Variants in SFSWAP observed in about 807,000 individuals in gnomAD.
SFSWAP encodes splicing factor, suppressor of white-apricot homolog.
SFSWAP carries 17 observed loss-of-function variants against 100.7 expected under a neutral mutation model. The ratio of observed to expected loss-of-function variants is 0.17; its 90% CI spans 0.12 to 0.25. SFSWAP has a LOEUF of 0.25. Among genes scored for constraint, SFSWAP ranks in the 10% least tolerant of loss-of-function variants. The pLI is 1.00. For missense variants in SFSWAP, 1,005 were observed against 1,262.6 expected (o/e 0.80, Z 3.09); for synonymous variants, 504 against 510.1 (o/e 0.99, Z 0.16).
chr12:131,791,049 G>T (rs1176999760), intron 15 of SFSWAP, among the ~76,000 whole-genome samples: 1 of 152,188 alleles, frequency 6.6e-6, no homozygotes. Flanking sequence ...TACATTAAAT[G>T]TAAGAAGACT....
intron 13 of SFSWAP, among the ~76,000 whole-genome samples, chr12:131,767,335 T>C (rs1883196885): frequency 6.6e-6 from 1 of 152,264 alleles, no homozygotes; most frequent in Non-Finnish European, 1.5e-5. Flanking sequence ...AGTTTAATTT[T>C]AGATTCTTTA....
intron 13 of SFSWAP, 99 bp from the exon 14 acceptor site, chr12:131,777,966 G>A (rs775428698): frequency 1.7e-5 from 26 of 1,515,116 alleles, no homozygotes; most frequent in Non-Finnish European, 2.3e-5. Flanking sequence ...TGGTTGCTGT[G>A]TTTGTTGGTG....
chr12:131,716,427 C>G (rs1385194943), intron 3 of SFSWAP, among the ~76,000 whole-genome samples: 1 of 152,240 alleles, frequency 6.6e-6, no homozygotes, highest in African/African-American at 2.4e-5. Flanking sequence ...AATAAGCTCT[C>G]CTTCCTCGGG....
At chr12:131,771,062 C>G (rs772356999) in intron 13 of SFSWAP, among the ~76,000 whole-genome samples, 2 of 152,164 alleles carry the variant, frequency 1.3e-5, no homozygotes, top group Non-Finnish European at 2.9e-5. Context: ...TGCATCTACC[C>G]CGTTTGTTTC....
At chr12:131,798,915 G>C in intron 16 of SFSWAP, 122 bp from the exon 17 acceptor site, 2 of 692,242 alleles carry the variant, frequency 2.9e-6, no homozygotes, top group East Asian at 2.6e-5. Flanking sequence ...GATACTGGAA[G>C]CAGATGCAGT....
chr12:131,785,030 C>T, intron 14 of SFSWAP: 1 of 1,495,696 alleles, frequency 6.7e-7, no homozygotes, highest in Non-Finnish European at 8.9e-7. Context: ...CCCAGCCCAG[C>T]ACCTTTTATT....
At position 131,786,412 on chromosome 12, in the gene SFSWAP, C is replaced by T. The variant is rs376817051; in HGVS notation, c.2409-51C>T. The T allele has an allele frequency of 4.9e-5, 76 of 1,539,876 alleles. No individual in the cohort carries two copies. In the South Asian group the frequency reaches 8.2e-4, roughly 17 times the overall value. On this transcript the variant is annotated intron_variant, in intron 14 of 17. Coordinates refer to ENST00000261674, the MANE Select transcript of SFSWAP (RefSeq NM_004592.4). ...TGCCAGGGCAGTAGGAAGCATGACA[C>T]GTCCCGCCAGCCAGGCCACAGAGCT...
At chr12:131,792,538 G>C (rs548172619) in intron 15 of SFSWAP, among the ~76,000 whole-genome samples, 12 of 150,222 alleles carry the variant, frequency 8.0e-5, no homozygotes, top group African/African-American at 2.7e-4. Flanking sequence ...GATCAGTACT[G>C]TGTGTGCGCC....
At chr12:131,757,562 G>A (rs1321231584) in intron 11 of SFSWAP, 2 of 152,952 alleles carry the variant, frequency 1.3e-5, no homozygotes, top group Non-Finnish European at 2.9e-5. Flanking sequence ...TGTGGCAGTG[G>A]GGTGAGGTGT....
At position 131,713,982 on chromosome 12, in the gene SFSWAP, G is replaced by GTA. The variant is rs530265452; in HGVS notation, c.219-78_219-77dup. On this transcript the variant is annotated intron_variant, in intron 1 of 17. Coordinates refer to ENST00000261674, the MANE Select transcript of SFSWAP (RefSeq NM_004592.4). ...TATTTTAATCGGTAAGTATGTGTGTGTATATATATATACATATATAAAACA... is the reference window on the plus strand; with the variant it reads ...TATTTTAATCGGTAAGTATGTGTGTGTATATATATATATACATATATAAAACA... 5.7e-4 allele frequency: 447 copies of GTA among 790,766 alleles called. 4 individuals carry two copies. Among genetic ancestry groups the GTA allele is most frequent in the South Asian group, 4.3e-3 (187 of 43,896 alleles). 49.0% of individuals were successfully genotyped at this position (790,766 alleles called of 1,614,324 possible). A position where few individuals can be genotyped will look rare whatever the true frequency, so the allele number is the denominator to read the frequency against.
At chr12:131,737,255 A>G (rs879178823) in intron 7 of SFSWAP, among the ~76,000 whole-genome samples, 33 of 152,310 alleles carry the variant, frequency 2.2e-4, no homozygotes, top group African/African-American at 6.7e-4. Flanking sequence ...TGTTCACGTC[A>G]GAAGGGGAGG....
intron 11 of SFSWAP, among the ~76,000 whole-genome samples, chr12:131,759,679 T>C (rs1308852850): frequency 2.0e-5 from 3 of 151,796 alleles, no homozygotes; most frequent in Admixed American, 1.3e-4. Context: ...CGGGCGCCTG[T>C]AGTCCCAGCT....
At chr12:131,722,504 A>T (rs1004048456) in intron 4 of SFSWAP, among the ~76,000 whole-genome samples, 4 of 152,162 alleles carry the variant, frequency 2.6e-5, no homozygotes, top group Non-Finnish European at 4.4e-5. Flanking sequence ...CATTTTATGG[A>T]AAGTGGGGAA....
chr12:131,715,523 T>A (rs1877815811), intron 3 of SFSWAP, among the ~76,000 whole-genome samples: 1 of 152,250 alleles, frequency 6.6e-6, no homozygotes, highest in South Asian at 2.1e-4. Context: ...AAACTTTGAA[T>A]ATAAAAAATA....
intron 14 of SFSWAP, among the ~76,000 whole-genome samples, chr12:131,780,700 A>C (rs1884428884): frequency 6.6e-6 from 1 of 152,166 alleles, no homozygotes; most frequent in African/African-American, 2.4e-5. Context: ...AAAATTTCCC[A>C]CTTGAATATG....
At chr12:131,782,518 T>C (rs551173244) in intron 14 of SFSWAP, among the ~76,000 whole-genome samples, 3 of 152,256 alleles carry the variant, frequency 2.0e-5, no homozygotes, top group African/African-American at 7.2e-5. Flanking sequence ...CACTTGGGCC[T>C]GAACAGACCT....
intron 7 of SFSWAP, among the ~76,000 whole-genome samples, chr12:131,747,987 C>A (rs908516168): frequency 6.6e-6 from 1 of 152,160 alleles, no homozygotes; most frequent in Non-Finnish European, 1.5e-5. Flanking sequence ...ATGGCCGCTG[C>A]CGAGGAAGAG....
At chr12:131,745,555 G>A (rs547714288) in intron 7 of SFSWAP, among the ~76,000 whole-genome samples, 14 of 152,260 alleles carry the variant, frequency 9.2e-5, no homozygotes, top group Non-Finnish European at 1.3e-4. Context: ...TTCTTGAATC[G>A]TGTTGTCAGT....
chr12:131,763,908 C>T (rs577167544), intron 11 of SFSWAP, among the ~76,000 whole-genome samples: 97 of 151,664 alleles, frequency 6.4e-4, no homozygotes, highest in African/African-American at 2.2e-3. Context: ...AGGCGGATCA[C>T]GAGGTCAGGA....
Sources: gnomAD v4.1 joint callset for allele counts (sites outside exome capture counted in the v4.1 genomes callset) on GRCh38, gnomAD v4.1.1 for gene constraint, MANE v1.5 for transcripts, NCBI Gene and HGNC (gene_info 2026-07-23, HGNC 2026-07-21) for gene names.